Variants in KTN1 observed in about 807,000 individuals in gnomAD.
KTN1 encodes the protein kinectin.
A neutral mutation model predicts 222.5 loss-of-function variants in KTN1; 130 were observed. The observed-to-expected ratio is 0.58, with a 90% CI of 0.51 to 0.68. The LOEUF (loss-of-function observed/expected upper bound fraction) is 0.68. Among genes scored for constraint, KTN1 ranks in the 30% least tolerant of loss-of-function variants. The pLI is 0.00. For synonymous variants in KTN1, 512 were observed against 496.3 expected (o/e 1.03, Z -0.42); for missense variants, 1,508 against 1,500.4 (o/e 1.01, Z -0.08).
chr14:55,595,597 G>C (rs1413058119), intron 1 of KTN1, among the ~76,000 whole-genome samples: 2 of 152,158 alleles, frequency 1.3e-5, no homozygotes, highest in Non-Finnish European at 1.5e-5. Flanking sequence ...GTAAGGTCAG[G>C]CTTAGTTTTT....
At chr14:55,678,741 A>G (rs2046109844) in intron 42 of KTN1, 1 of 306,770 alleles carries the variant, frequency 3.3e-6, no homozygotes, top group Non-Finnish European at 6.2e-6. Flanking sequence ...TGGGTGAATG[A>G]CCATTGCCGC....
intron 18 of KTN1, 112 bp downstream of exon 18, chr14:55,641,872 T>C (rs768271168): frequency 1.2e-4 from 87 of 705,560 alleles, no homozygotes; most frequent in Non-Finnish European, 1.9e-4. Flanking sequence ...AGCTTAGATA[T>C]GGCTGTTATT....
intron 32 of KTN1, 128 bp from the exon 33 acceptor site, chr14:55,663,827 A>G (rs2044407378): frequency 1.6e-6 from 1 of 613,686 alleles, no homozygotes; most frequent in East Asian, 2.8e-5. Context: ...GCTAATATGC[A>G]TATTTTCCCA....
At position 55,629,964 on chromosome 14, in the gene KTN1, T is replaced by C. The variant is rs1416564806; in HGVS notation, c.1088T>C (p.Met363Thr). 6.3e-7 allele frequency: 1 copy of C among 1,587,636 alleles called. No individual in the cohort carries two copies. The highest frequency in any genetic ancestry group is 8.6e-7 in the Non-Finnish European group (1 of 1,158,224). Residue 363 changes from methionine (M) to threonine (T), a missense_variant, in exon 7 of 44, where the codon ATG becomes ACG. Met to Thr is a moderately conservative substitution (Grantham distance 81). Transcript: ENST00000395314. ...TCTGGGATATTCTTTTAGGAAATGA[T>C]GACAGAGAAAGAAAGAAGCAATGTG... Reference protein sequence around the residue: ...DRCKQLTQEMMTEKERSNVVI... With the variant: ...DRCKQLTQEMTTEKERSNVVI...
At chr14:55,658,228 C>A (rs1471255200) in intron 29 of KTN1, among the ~76,000 whole-genome samples, 1 of 152,014 alleles carries the variant, frequency 6.6e-6, no homozygotes, top group Non-Finnish European at 1.5e-5. Flanking sequence ...ACCCCCACAA[C>A]AAAGAAAAAT....
rs777404695 is a variant in KTN1 at position 55,667,347 on chromosome 14, A to AT, written c.3267+24dup. The AT allele has an allele frequency of 2.0e-4, 279 of 1,414,024 alleles. No individual in the cohort carries two copies. The highest frequency in any genetic ancestry group is 9.6e-4 in the Admixed American group (50 of 52,014). 87.6% of individuals were successfully genotyped at this position (1,414,024 alleles called of 1,614,324 possible). ...TCTAATTTGGTAAGACTAATTTATT[A>AT]TTTTTTTAACATGATGACATTATTC... On this transcript the variant is annotated intron_variant, in intron 34 of 43. Coordinates refer to ENST00000395314, the MANE Select transcript of KTN1 (RefSeq NM_001079521.2).
intron 1 of KTN1, among the ~76,000 whole-genome samples, chr14:55,606,463 C>T (rs1318331065): frequency 6.6e-6 from 1 of 151,858 alleles, no homozygotes; most frequent in Non-Finnish European, 1.5e-5. Context: ...TTTTTTGAGC[C>T]ACCCCAGCTG....
At chr14:55,627,762 G>A (rs2040021953) in intron 5 of KTN1, 150 bp from the exon 6 acceptor site, 2 of 470,906 alleles carry the variant, frequency 4.2e-6, no homozygotes, top group Non-Finnish European at 7.8e-6. Flanking sequence ...ATGGTTTCCA[G>A]CTTCATCCAC....
chr14:55,637,947 A>G, intron 12 of KTN1, 100 bp downstream of exon 12: 1 of 808,232 alleles, frequency 1.2e-6, no homozygotes, highest in Non-Finnish European at 2.0e-6. Flanking sequence ...AATAGCTGGG[A>G]GACTAGTCAA....
chr14:55,657,997 TATTTC>T (rs778303936), intron 29 of KTN1, among the ~76,000 whole-genome samples: 68 of 140,642 alleles, frequency 4.8e-4, no homozygotes, highest in Non-Finnish European at 7.9e-4. Context: ...TAGTGTAACT[TATTTC>T]AGTAAGCTGT....
chr14:55,667,261 A>C lies in KTN1; in HGVS notation c.3198A>C (p.Glu1066Asp). 1 of 1,604,804 alleles carries C rather than the reference A, an allele frequency of 6.2e-7. No individual in the cohort carries two copies. The highest frequency in any genetic ancestry group is 8.5e-7 in the Non-Finnish European group (1 of 1,175,472). ...KTSKERQQQV[E>D]AVELEAKEVL... is the part of the protein sequence containing the mutation. ...TTTAGGAAAGGCAGCAACAGGTGGA[A>C]GCTGTTGAGTTGGAGGCTAAAGAAG... The change falls in exon 34 of 44, where the codon GAA (glutamate) becomes GAC (aspartate). Residue 1066 changes from glutamate to aspartate, a missense_variant. Physicochemically the swap from Glu to Asp is conservative, Grantham distance 45. Coordinates refer to ENST00000395314, the MANE Select transcript of KTN1 (RefSeq NM_001079521.2).
intron 2 of KTN1, among the ~76,000 whole-genome samples, chr14:55,614,473 C>T (rs2038057182): frequency 6.6e-6 from 1 of 152,124 alleles, no homozygotes; most frequent in Admixed American, 6.5e-5. Flanking sequence ...AGCTGATCTC[C>T]CAAGTTCTGA....
At chr14:55,592,990 TC>T (rs765206066) in intron 1 of KTN1, among the ~76,000 whole-genome samples, 2 of 152,216 alleles carry the variant, frequency 1.3e-5, no homozygotes, top group Non-Finnish European at 2.9e-5. Flanking sequence ...CATTTTTTTC[TC>T]TTTTCTGTGC....
chr14:55,607,719 T>C (rs1351884921), intron 1 of KTN1, among the ~76,000 whole-genome samples: 6 of 152,078 alleles, frequency 3.9e-5, no homozygotes, highest in Non-Finnish European at 5.9e-5. Flanking sequence ...GTTAAAGAGG[T>C]AACTAATATT....
At chr14:55,668,385 T>G (rs2141286601) in intron 34 of KTN1, 1 of 152,196 alleles carries the variant, frequency 6.6e-6, no homozygotes, top group Middle Eastern at 3.4e-3. Flanking sequence ...AAAACAAAAC[T>G]TAGTGGTTTC....
chr14:55,610,732 T>C (rs1349293235), intron 1 of KTN1, among the ~76,000 whole-genome samples: 1 of 152,240 alleles, frequency 6.6e-6, no homozygotes, highest in Non-Finnish European at 1.5e-5. Context: ...TACAAGTCAC[T>C]TTTATGTGGC....
chr14:55,594,542 A>G (rs1238917852), intron 1 of KTN1, among the ~76,000 whole-genome samples: 1 of 138,194 alleles, frequency 7.2e-6, no homozygotes, highest in Admixed American at 7.7e-5. Context: ...ACTGGTATCC[A>G]TTGTTGTGTG....
chr14:55,601,637 A>T (rs1015752749), intron 1 of KTN1: 1 of 152,182 alleles, frequency 6.6e-6, no homozygotes, highest in Non-Finnish European at 1.5e-5. Flanking sequence ...AGAGTCATTT[A>T]TTTTTAAAAA....
At chr14:55,657,220 C>G (rs1461816440) in intron 29 of KTN1, among the ~76,000 whole-genome samples, 1 of 152,160 alleles carries the variant, frequency 6.6e-6, no homozygotes, top group Non-Finnish European at 1.5e-5. Context: ...GCCATTTCAC[C>G]TTCTTCCTTT....
Sources: gnomAD v4.1 joint callset for allele counts (sites outside exome capture counted in the v4.1 genomes callset) on GRCh38, gnomAD v4.1.1 for gene constraint, MANE v1.5 for transcripts, NCBI Gene and HGNC (gene_info 2026-07-23, HGNC 2026-07-21) for gene names.